MYO16: variants seen among roughly 807,000 people sequenced by gnomAD.
The protein encoded by MYO16 is unconventional myosin-XVI.
A neutral mutation model predicts 205.3 loss-of-function variants in MYO16; 94 were observed. That is an observed-to-expected ratio of 0.46 (90% CI 0.39 to 0.54). MYO16 has a LOEUF of 0.54. MYO16 is among the 20% of genes least tolerant of loss of function. The pLI is 0.00. For missense variants in MYO16, 2,315 were observed against 2,387.5 expected, an observed-to-expected ratio of 0.97 and a Z score of 0.63; for synonymous variants, 988 against 954.0, an observed-to-expected ratio of 1.04 and a Z score of -0.66.
At chr13:108,786,283 C>A (rs1386552047) in intron 5 of MYO16, among the ~76,000 whole-genome samples, 1 of 152,132 alleles carries the variant, frequency 6.6e-6, no homozygotes, top group Non-Finnish European at 1.5e-5. Context: ...GAGGCTGAGC[C>A]CCTAAATGCA....
intron 15 of MYO16, among the ~76,000 whole-genome samples, chr13:108,900,437 G>A (rs1463255811): frequency 2.6e-5 from 4 of 152,158 alleles, no homozygotes; most frequent in Non-Finnish European, 4.4e-5. Context: ...CAGGGACCCC[G>A]AACGGAGGGA....
rs758003570 is a variant in MYO16, at chr13:109,019,800, C to G, written c.2685C>G (p.Leu895=). ...ATTTTCCAAAAAAACTACAAAGTCT[C>G]CTAGAATCCTCAAACACAAATGCGG... ...ESNFPKKLQS[L]LESSNTNAVY... The change falls in exon 23 of 35, where the codon CTC becomes CTG. Residue 895 remains leucine, a synonymous_variant. Coordinates refer to ENST00000457511, the MANE Select transcript of MYO16 (RefSeq NM_001198950.3). The G allele has an allele frequency of 6.2e-7, 1 of 1,614,072 alleles. No individual in the cohort carries two copies. Among genetic ancestry groups the G allele is most frequent in the Non-Finnish European group, 8.5e-7 (1 of 1,179,974 alleles).
intron 4 of MYO16, among the ~76,000 whole-genome samples, chr13:108,774,926 G>A (rs564165921): frequency 4.6e-5 from 7 of 152,188 alleles, no homozygotes; most frequent in African/African-American, 1.4e-4. Flanking sequence ...TTCTTATAAA[G>A]TACAGCATTC....
intron 5 of MYO16, among the ~76,000 whole-genome samples, chr13:108,786,444 A>C (rs1886459630): frequency 6.6e-6 from 1 of 152,158 alleles, no homozygotes; most frequent in African/African-American, 2.4e-5. Context: ...CCTGCTGTTT[A>C]GGTATAAATA....
chr13:108,718,105 C>A (rs978834761), intron 3 of MYO16, among the ~76,000 whole-genome samples: 2 of 152,120 alleles, frequency 1.3e-5, no homozygotes, highest in African/African-American at 4.8e-5. Context: ...CACCTTACTA[C>A]AGTAGGGGTG....
intron 2 of MYO16, among the ~76,000 whole-genome samples, chr13:108,702,787 G>C (rs1447262302): frequency 6.6e-6 from 1 of 152,060 alleles, no homozygotes; most frequent in African/African-American, 2.4e-5. Flanking sequence ...AAGTTAGAAG[G>C]GTAGTAGTGG....
At chr13:109,002,853 G>A (rs1248649953) in intron 21 of MYO16, among the ~76,000 whole-genome samples, 3 of 152,102 alleles carry the variant, frequency 2.0e-5, no homozygotes, top group East Asian at 1.9e-4. Flanking sequence ...CAAGAATAAG[G>A]TTCTGTCCAT....
intron 10 of MYO16, among the ~76,000 whole-genome samples, chr13:108,847,727 A>G (rs905461408): frequency 6.6e-6 from 1 of 151,894 alleles, no homozygotes; most frequent in Non-Finnish European, 1.5e-5. Flanking sequence ...ATTTGTTTTT[A>G]TAATATCTCT....
At chr13:108,594,320 C>T (rs887589241), upstream of MYO16, among the ~76,000 whole-genome samples, 2 of 152,166 alleles carry the variant, frequency 1.3e-5, no homozygotes, top group African/African-American at 2.4e-5. Flanking sequence ...CCCCACGATG[C>T]CTCACTGCCT....
At chr13:108,989,669 G>T (rs1267314407) in intron 20 of MYO16, among the ~76,000 whole-genome samples, 1 of 151,998 alleles carries the variant, frequency 6.6e-6, no homozygotes, top group Non-Finnish European at 1.5e-5. Context: ...TCTTGGAATA[G>T]GTTCCTATAT....
intron 6 of MYO16, among the ~76,000 whole-genome samples, chr13:108,802,555 C>G (rs1594305724): frequency 6.6e-6 from 1 of 152,152 alleles, no homozygotes; most frequent in African/African-American, 2.4e-5. Flanking sequence ...ATGAATATCC[C>G]TATGACATAG....
intron 1 of MYO16, among the ~76,000 whole-genome samples, chr13:108,619,535 T>C (rs564529504): frequency 6.6e-5 from 10 of 152,230 alleles, no homozygotes; most frequent in African/African-American, 1.7e-4. Flanking sequence ...AACATCAATG[T>C]AGCAGCATCA....
intron 1 of MYO16, among the ~76,000 whole-genome samples, chr13:108,636,362 TTTTTTTTTGTGTGTG>T (rs1330774488): frequency 1.1e-5 from 1 of 89,938 alleles, no homozygotes. Context: ...TTTTTTTTTT[TTTTTTTTTGTGTGTG>T]TGTGTGTGTG....
At chr13:109,174,748 C>CTTTTTTT (rs34606084) in intron 33 of MYO16, among the ~76,000 whole-genome samples, 6 of 85,614 alleles carry the variant, frequency 7.0e-5, no homozygotes, top group African/African-American at 2.4e-4. Context: ...CTTGTCTTGT[C>CTTTTTTT]TTTTTTTTTT....
chr13:108,637,857 A>C (rs1196862500), intron 1 of MYO16, among the ~76,000 whole-genome samples: 1 of 151,982 alleles, frequency 6.6e-6, no homozygotes, highest in Non-Finnish European at 1.5e-5. Flanking sequence ...CCTGGGCAAC[A>C]CAAATAAATA....
At chr13:108,976,300 A>T (rs1884253673) in intron 20 of MYO16, among the ~76,000 whole-genome samples, 1 of 152,120 alleles carries the variant, frequency 6.6e-6, no homozygotes, top group Middle Eastern at 3.2e-3. Flanking sequence ...ATGTTTTATC[A>T]ATTGCTGTTA....
chr13:108,581,011 G>GT, the MYO16 span, among the ~76,000 whole-genome samples: 4 of 152,116 alleles, frequency 2.6e-5, no homozygotes, highest in Non-Finnish European at 4.4e-5. Context: ...GTAAAATTAA[G>GT]TTTTTTTCTT....
At chr13:109,123,663 C>T (rs1876104687) in intron 29 of MYO16, among the ~76,000 whole-genome samples, 1 of 152,088 alleles carries the variant, frequency 6.6e-6, no homozygotes, top group Admixed American at 6.6e-5. Context: ...AACTGCATTC[C>T]AACATAACTA....
At chr13:109,092,696 C>A (rs1888659777) in intron 27 of MYO16, among the ~76,000 whole-genome samples, 1 of 152,122 alleles carries the variant, frequency 6.6e-6, no homozygotes, top group South Asian at 2.1e-4. Context: ...TGTAACAAAC[C>A]TTCACATGTA....
Sources: gnomAD v4.1 joint callset for allele counts (sites outside exome capture counted in the v4.1 genomes callset) on GRCh38, gnomAD v4.1.1 for gene constraint, MANE v1.5 for transcripts, NCBI Gene and HGNC (gene_info 2026-07-23, HGNC 2026-07-21) for gene names.